SETBP1: variants seen among roughly 807,000 people sequenced by gnomAD.
SETBP1 encodes the protein SET binding protein 1, also known as SET-binding protein.
In SETBP1, 9 loss-of-function variants were observed where a neutral mutation model predicts 101.0. The observed-to-expected ratio is 0.09, with a 90% CI of 0.05 to 0.16. The LOEUF is 0.16. Ranked by LOEUF, SETBP1 falls within the 10% of genes least tolerant of loss-of-function variation. SETBP1 has a pLI of 1.00. For synonymous variants in SETBP1, 818 were observed against 788.5 expected (o/e 1.04, Z -0.63); for missense variants, 1,858 against 2,033.8 (o/e 0.91, Z 1.66).
At chr18:44,680,745 C>G (rs945213352), upstream of SETBP1, among the ~76,000 whole-genome samples, 2 of 152,066 alleles carry the variant, frequency 1.3e-5, no homozygotes, top group Non-Finnish European at 2.9e-5. Flanking sequence ...ATCTACCCCC[C>G]CTCCGCCCCC....
intron 4 of SETBP1, among the ~76,000 whole-genome samples, chr18:44,984,040 A>C (rs1039622648): frequency 6.6e-5 from 10 of 152,098 alleles, no homozygotes; most frequent in African/African-American, 2.4e-4. Flanking sequence ...GTCTCTACTA[A>C]AAATACAAAA....
At chr18:44,859,335 A>C (rs1262024612) in intron 2 of SETBP1, among the ~76,000 whole-genome samples, 1 of 152,132 alleles carries the variant, frequency 6.6e-6, no homozygotes, top group Non-Finnish European at 1.5e-5. Context: ...CTGCATGGTG[A>C]GTCACCTGAG....
At chr18:45,041,956 CAAAAA>C (rs977437592) in intron 5 of SETBP1, among the ~76,000 whole-genome samples, 1 of 147,448 alleles carries the variant, frequency 6.8e-6, no homozygotes, top group Admixed American at 6.8e-5. Context: ...AACTCTATCT[CAAAAA>C]AAAATAAAAA....
chr18:44,704,652 G>C (rs2069181016), intron 2 of SETBP1, among the ~76,000 whole-genome samples: 1 of 152,180 alleles, frequency 6.6e-6, no homozygotes, highest in Admixed American at 6.5e-5. Context: ...CTGCTGTTTT[G>C]CAACCAGAGA....
At chr18:44,922,643 C>T (rs1351296782) in intron 3 of SETBP1, among the ~76,000 whole-genome samples, 3 of 152,172 alleles carry the variant, frequency 2.0e-5, no homozygotes, top group Non-Finnish European at 4.4e-5. Context: ...TTCTTTGGAG[C>T]AGCTGTTGAG....
At chr18:44,854,005 A>C (rs1194974165) in intron 2 of SETBP1, among the ~76,000 whole-genome samples, 1 of 152,076 alleles carries the variant, frequency 6.6e-6, no homozygotes, top group Non-Finnish European at 1.5e-5. Flanking sequence ...TGTCCTACCC[A>C]TACCTTTTTT....
chr18:44,924,441 G>T (rs965984857), intron 3 of SETBP1, among the ~76,000 whole-genome samples: 4 of 152,114 alleles, frequency 2.6e-5, no homozygotes, highest in African/African-American at 9.7e-5. Context: ...CCAAAATTAA[G>T]AATAGTTGCA....
chr18:45,002,174 G>A (rs1416502471), intron 4 of SETBP1, among the ~76,000 whole-genome samples: 1 of 152,044 alleles, frequency 6.6e-6, no homozygotes. Context: ...CTATGCTGAT[G>A]AAAACAGGCC....
intron 3 of SETBP1, among the ~76,000 whole-genome samples, chr18:44,916,675 T>C (rs1317033271): frequency 7.8e-6 from 1 of 128,752 alleles, no homozygotes; most frequent in Non-Finnish European, 1.9e-5. Context: ...GAATATTTTC[T>C]GAGCAGTCAG....
intron 2 of SETBP1, among the ~76,000 whole-genome samples, chr18:44,759,580 T>G (rs1019274855): frequency 6.6e-6 from 1 of 152,232 alleles, no homozygotes; most frequent in African/African-American, 2.4e-5. Flanking sequence ...AGAGTTTCAG[T>G]TCCCCAAACA....
intron 3 of SETBP1, among the ~76,000 whole-genome samples, chr18:44,923,176 G>C (rs1426537526): frequency 6.8e-6 from 1 of 146,970 alleles, no homozygotes; most frequent in African/African-American, 2.4e-5. Flanking sequence ...GAAACATAGA[G>C]AGATGAAGTG....
intron 2 of SETBP1, among the ~76,000 whole-genome samples, chr18:44,837,596 C>T (rs1330148724): frequency 6.6e-6 from 1 of 152,146 alleles, no homozygotes; most frequent in Non-Finnish European, 1.5e-5. Context: ...AAAGGCTCAG[C>T]CTCAGCACAC....
rs577989181 is a variant in SETBP1 at position 44,713,479 on chromosome 18, C to T, written c.486+11647C>T. On this transcript the variant is annotated intron_variant, in intron 2 of 5. Coordinates refer to ENST00000649279, the MANE Select transcript of SETBP1 (RefSeq NM_015559.3). ...TATTCCATGGTTTCCTGGTGCCAAACCACCCTGGTTCCTGTGCTGGGAATA... is the reference window on the plus strand; with the variant it reads ...TATTCCATGGTTTCCTGGTGCCAAATCACCCTGGTTCCTGTGCTGGGAATA... Among the ~76,000 whole-genome samples, 4 of 152,282 alleles carry T rather than the reference C, an allele frequency of 2.6e-5. No individual in the cohort carries two copies. The East Asian group carries it at 7.7e-4, about 29-fold the overall frequency.
At chr18:44,983,955 G>A (rs1449042700) in intron 4 of SETBP1, among the ~76,000 whole-genome samples, 1 of 152,214 alleles carries the variant, frequency 6.6e-6, no homozygotes, top group African/African-American at 2.4e-5. Flanking sequence ...TGTAATCCCA[G>A]CACTTTGGGA....
At chr18:44,769,512 C>A (rs2070829497) in intron 2 of SETBP1, among the ~76,000 whole-genome samples, 2 of 152,210 alleles carry the variant, frequency 1.3e-5, no homozygotes, top group Non-Finnish European at 2.9e-5. Flanking sequence ...TTGGCTTAAG[C>A]CAAGTTCTCC....
chr18:45,022,044 G>A (rs576155319), intron 4 of SETBP1, among the ~76,000 whole-genome samples: 62 of 152,116 alleles, frequency 4.1e-4, no homozygotes, highest in Non-Finnish European at 7.3e-4. Context: ...CCCTTGATTC[G>A]AAAGTGTCTT....
At chr18:44,746,535 CAG>C (rs1044035029) in intron 2 of SETBP1, among the ~76,000 whole-genome samples, 2 of 152,202 alleles carry the variant, frequency 1.3e-5, no homozygotes, top group African/African-American at 2.4e-5. Flanking sequence ...CAAGTTCACA[CAG>C]GGGTTATCAA....
chr18:44,757,138 T>C (rs971059518), intron 2 of SETBP1, among the ~76,000 whole-genome samples: 3 of 152,148 alleles, frequency 2.0e-5, no homozygotes, highest in Non-Finnish European at 4.4e-5. Flanking sequence ...CCTATGATAT[T>C]GTCAACAGCA....
intron 2 of SETBP1, among the ~76,000 whole-genome samples, chr18:44,712,953 CTTTTTT>C (rs11323504): frequency 4.6e-5 from 3 of 64,896 alleles, no homozygotes; most frequent in South Asian, 7.1e-4. Context: ...CAGCATCCCT[CTTTTTT>C]TTTTTTTTTT....
Sources: gnomAD v4.1 joint callset for allele counts (sites outside exome capture counted in the v4.1 genomes callset) on GRCh38, gnomAD v4.1.1 for gene constraint, MANE v1.5 for transcripts, NCBI Gene and HGNC (gene_info 2026-07-23, HGNC 2026-07-21) for gene names.